The following DNAJB6 variants were observed in gnomAD, a reference collection of about 807,000 sequenced individuals.
DNAJB6 encodes the protein DnaJ heat shock protein family (Hsp40) member B6, also known as dnaJ homolog subfamily B member 6.
In DNAJB6, 16 loss-of-function variants were observed where a neutral mutation model predicts 42.7. That is an observed-to-expected ratio of 0.37 (90% CI 0.25 to 0.57). The LOEUF is 0.57. Among genes scored for constraint, DNAJB6 ranks in the 20% least tolerant of loss-of-function variants. The pLI, the probability that DNAJB6 is intolerant of heterozygous loss-of-function variation, is 0.74. For synonymous variants in DNAJB6, 170 were observed against 163.5 expected (o/e 1.04, Z -0.30); for missense variants, 347 against 416.8 (o/e 0.83, Z 1.46).
At chr7:157,374,036 T>C (rs1800348708) in intron 5 of DNAJB6, among the ~76,000 whole-genome samples, 2 of 152,006 alleles carry the variant, frequency 1.3e-5, no homozygotes. Flanking sequence ...GAAAAAAAGG[T>C]TAAAAAATGA....
rs1282245966 is a variant in DNAJB6 at position 157,384,960 on chromosome 7, T to C, written c.572T>C (p.Ile191Thr). 1 of 1,614,146 alleles carries C rather than the reference T, an allele frequency of 6.2e-7. No homozygotes were observed. Among genetic ancestry groups the C allele is most frequent in the South Asian group, 1.1e-5 (1 of 91,080 alleles). Residue 191 changes from isoleucine to threonine, a missense_variant, in exon 7 of 10, where the codon ATA becomes ACA. By Grantham distance (89) the Ile-to-Thr change is moderately conservative. This residue lies in a region of DNAJB6 where 264 missense variants were observed against 288.0 expected (regional missense o/e 0.92). Transcript: ENST00000262177. ...AGTGGCATGGGCAACTTCAAATCGA[T>C]ATCAACTTCAACTAAAATGGTTAAT... ...GGSGMGNFKSISTSTKMVNGR... is the reference protein window; with the variant it reads ...GGSGMGNFKSTSTSTKMVNGR...
At chr7:157,353,617 G>GTGTC (rs1799119567) in intron 1 of DNAJB6, among the ~76,000 whole-genome samples, 1 of 149,808 alleles carries the variant, frequency 6.7e-6, no homozygotes, top group South Asian at 2.1e-4. Context: ...GTGTGTGTGT[G>GTGTC]TGTGTATGTA....
intron 8 of DNAJB6, among the ~76,000 whole-genome samples, chr7:157,388,239 C>G (rs1199473378): frequency 6.6e-6 from 1 of 152,196 alleles, no homozygotes; most frequent in Non-Finnish European, 1.5e-5. Flanking sequence ...GCTGTCAAAT[C>G]TTACACCTTT....
At chr7:157,398,474 G>A (rs542987334) in intron 8 of DNAJB6, among the ~76,000 whole-genome samples, 1 of 152,192 alleles carries the variant, frequency 6.6e-6, no homozygotes, top group Non-Finnish European at 1.5e-5. Flanking sequence ...GTTTTCATCT[G>A]CGTGTTATCA....
chr7:157,401,191 C>T lies in DNAJB6; in HGVS notation c.692-8604C>T, dbSNP rs977232165. Among the ~76,000 whole-genome samples, 8 of 152,152 alleles carry T rather than the reference C, an allele frequency of 5.3e-5. No homozygotes were observed. In the South Asian group the frequency reaches 6.2e-4, roughly 12 times the overall value. ...TTGCTGGCAGTCAGAGCTCTTCAGT[C>T]GTGTACATGATTTATATAATTTATA... On this transcript the variant is annotated intron_variant, in intron 8 of 9. Coordinates refer to ENST00000262177, the MANE Select transcript of DNAJB6 (RefSeq NM_058246.4).
intron 1 of DNAJB6, among the ~76,000 whole-genome samples, chr7:157,355,263 C>G (rs1304129238): frequency 1.3e-5 from 2 of 152,202 alleles, no homozygotes; most frequent in Admixed American, 1.3e-4. Flanking sequence ...GGGGTTCACG[C>G]CGTTCTCCTG....
At chr7:157,375,522 A>T (rs1800427029) in intron 5 of DNAJB6, among the ~76,000 whole-genome samples, 1 of 152,232 alleles carries the variant, frequency 6.6e-6, no homozygotes, top group South Asian at 2.1e-4. Context: ...GGAAGCTGAA[A>T]ATGGTGGTGT....
chr7:157,343,534 T>C (rs1409303024), intron 1 of DNAJB6, among the ~76,000 whole-genome samples: 1 of 152,026 alleles, frequency 6.6e-6, no homozygotes, highest in Non-Finnish European at 1.5e-5. Flanking sequence ...TGTGGTGTGA[T>C]CTCAGCTCAC....
At chr7:157,405,161 G>A (rs765996466) in intron 8 of DNAJB6, among the ~76,000 whole-genome samples, 6 of 152,248 alleles carry the variant, frequency 3.9e-5, no homozygotes, top group Non-Finnish European at 5.9e-5. Flanking sequence ...GGCGATGGCA[G>A]AGATAAGAAG....
intron 1 of DNAJB6, among the ~76,000 whole-genome samples, chr7:157,349,093 G>C (rs4716470): frequency 0.55 from 83,141 of 150,410 alleles, 23,162 homozygotes; most frequent in East Asian, 0.76. Flanking sequence ...TGTTGCTCAC[G>C]CTTATCTGGA....
At chr7:157,415,850 G>GCA in intron 9 of DNAJB6, among the ~76,000 whole-genome samples, 166 bp from the exon 10 acceptor site, 1 of 152,362 alleles carries the variant, frequency 6.6e-6, no homozygotes, top group South Asian at 2.1e-4. Context: ...TTCTCAACGT[G>GCA]CACCTTGGAA....
chr7:157,358,524 T>G, intron 1 of DNAJB6, 23 bp from the exon 2 acceptor site: 2 of 1,529,782 alleles, frequency 1.3e-6, no homozygotes, highest in Non-Finnish European at 1.8e-6. Flanking sequence ...GCCTCATCAC[T>G]GACCACCTGT....
chr7:157,378,106 A>C (rs1800562760), intron 5 of DNAJB6: 5 of 152,232 alleles, frequency 3.3e-5, no homozygotes, highest in Admixed American at 2.0e-4. Context: ...TGGTCACAAA[A>C]TAAGGAGGAA....
chr7:157,395,455 TCTC>T (rs1801539233), intron 8 of DNAJB6, among the ~76,000 whole-genome samples: 1 of 152,228 alleles, frequency 6.6e-6, no homozygotes, highest in Non-Finnish European at 1.5e-5. Flanking sequence ...GCTCAGGCCT[TCTC>T]AGCTCTGATG....
At position 157,358,563 on chromosome 7, in the gene DNAJB6, C is replaced by CT. The variant is rs1443390794; in HGVS notation, c.-9dup. On this transcript the variant is annotated 5_prime_UTR_variant, in exon 2 of 10. Transcript: ENST00000262177. ...TACTTGCAGGACCCATTCCAACAAT[C>CT]TCGTAAAACATGGTGGATTACTATG... 6.2e-7 allele frequency: 1 copy of CT among 1,612,540 alleles called. No individual in the cohort carries two copies. Among genetic ancestry groups the CT allele is most frequent in the Non-Finnish European group, 8.5e-7 (1 of 1,178,844 alleles).
intron 5 of DNAJB6, among the ~76,000 whole-genome samples, chr7:157,368,178 T>C (rs1004216038): frequency 2.0e-5 from 3 of 152,232 alleles, no homozygotes; most frequent in African/African-American, 7.2e-5. Flanking sequence ...AAATTTAAGT[T>C]ACAGCTTGAA....
At chr7:157,384,268 G>C (rs948114645) in intron 6 of DNAJB6, among the ~76,000 whole-genome samples, 6 of 152,178 alleles carry the variant, frequency 3.9e-5, no homozygotes, top group South Asian at 2.1e-4. Flanking sequence ...ACGAATACTT[G>C]TATTCTTTCT....
Position 157,357,287 on chromosome 7 carries a change from C to A in DNAJB6, c.-26-1260C>A, listed in dbSNP as rs1563118407. The stretch of plus-strand genomic sequence containing the variant: ...CCGTCCTTCCTTCCGTCCTTCCTTC[C>A]GTCCTTCCTTCCTTCCTTCCTTCCT... On this transcript the variant is annotated intron_variant, in intron 1 of 9. Coordinates refer to ENST00000262177, the MANE Select transcript of DNAJB6 (RefSeq NM_058246.4). Among the ~76,000 whole-genome samples the A allele has an allele frequency of 4.5e-3, 258 of 56,748 alleles. 50 individuals carry two copies. Among genetic ancestry groups the A allele is most frequent in the East Asian group, 0.038 (65 of 1,722 alleles). The allele number at this position is 56,748 out of a possible 152,430, so 37.2% of individuals were successfully genotyped here. A position where few individuals can be genotyped will look rare whatever the true frequency, so the allele number is the denominator to read the frequency against.
At chr7:157,375,504 A>G (rs1427566493) in intron 5 of DNAJB6, among the ~76,000 whole-genome samples, 6 of 152,232 alleles carry the variant, frequency 3.9e-5, no homozygotes, top group Non-Finnish European at 8.8e-5. Flanking sequence ...ATAAAAAACA[A>G]TTATATGGGA....
Sources: allele counts gnomAD v4.1 joint callset (sites outside exome capture counted in the v4.1 genomes callset), GRCh38; gene constraint gnomAD v4.1.1; regional missense constraint gnomAD v4.1.1; transcripts MANE v1.5; gene names NCBI Gene and HGNC (gene_info 2026-07-23, HGNC 2026-07-21).